The following PLCL1 variants were observed in gnomAD, a reference collection of about 807,000 sequenced individuals.
PLCL1 encodes inactive phospholipase C-like protein 1.
A neutral mutation model predicts 84.4 loss-of-function variants in PLCL1; 41 were observed. The observed-to-expected ratio is 0.49, with a 90% confidence interval of 0.38 to 0.63. PLCL1 has a LOEUF of 0.63. Among genes scored for constraint, PLCL1 ranks in the 30% least tolerant of loss-of-function variants. The probability of loss-of-function intolerance (pLI) is 0.00; values close to 1 mark genes in which losing one functional copy is unlikely to be tolerated. For missense variants in PLCL1, 1,206 were observed against 1,367.8 expected (o/e 0.88, Z 1.87); for synonymous variants, 490 against 488.3 (o/e 1.00, Z -0.05).
intron 1 of PLCL1, among the ~76,000 whole-genome samples, chr2:197,863,414 A>G (rs192790379): frequency 6.6e-6 from 1 of 152,258 alleles, no homozygotes; most frequent in Non-Finnish European, 1.5e-5. Flanking sequence ...CTGATAACAG[A>G]TAGATAAATG....
chr2:198,015,421 G>T (rs1398288125), intron 1 of PLCL1, among the ~76,000 whole-genome samples: 1 of 152,118 alleles, frequency 6.6e-6, no homozygotes, highest in African/African-American at 2.4e-5. Context: ...ATTTAAAGTA[G>T]TCACTTAAAA....
chr2:197,897,673 T>G (rs886618693), intron 1 of PLCL1, among the ~76,000 whole-genome samples: 2 of 152,166 alleles, frequency 1.3e-5, no homozygotes, highest in African/African-American at 4.8e-5. Flanking sequence ...ACCAAAAACA[T>G]AAAGATTGCT....
intron 1 of PLCL1, among the ~76,000 whole-genome samples, chr2:198,048,580 G>A (rs750155891): frequency 3.3e-5 from 5 of 152,176 alleles, no homozygotes; most frequent in South Asian, 2.1e-4. Context: ...GGTGCATCAC[G>A]TGGTGAGATA....
At chr2:198,067,127 C>CTT (rs536395932) in intron 1 of PLCL1, among the ~76,000 whole-genome samples, 67 of 136,496 alleles carry the variant, frequency 4.9e-4, no homozygotes, top group African/African-American at 1.2e-3. Context: ...TTGTGGCCCT[C>CTT]TTTTTTTTTT....
intron 5 of PLCL1, among the ~76,000 whole-genome samples, chr2:198,118,701 C>T (rs752433965): frequency 3.3e-5 from 5 of 151,980 alleles, no homozygotes; most frequent in Non-Finnish European, 7.4e-5. Flanking sequence ...GCCAGAGCTG[C>T]TGCATACTCC....
chr2:198,095,113 T>C (rs1693162579), intron 3 of PLCL1, among the ~76,000 whole-genome samples: 1 of 152,178 alleles, frequency 6.6e-6, no homozygotes, highest in Non-Finnish European at 1.5e-5. Flanking sequence ...CACAGTGCCA[T>C]TTCAGTGGCC....
intron 5 of PLCL1, among the ~76,000 whole-genome samples, chr2:198,106,547 C>A (rs1693479197): frequency 6.6e-6 from 1 of 151,670 alleles, no homozygotes; most frequent in South Asian, 2.1e-4. Context: ...CAGTGTGTAC[C>A]CTGATATAAA....
chr2:197,999,763 T>C (rs972587503), intron 1 of PLCL1, among the ~76,000 whole-genome samples: 2 of 152,194 alleles, frequency 1.3e-5, no homozygotes, highest in African/African-American at 4.8e-5. Flanking sequence ...TTAAATTGCA[T>C]ATATAGATGT....
At chr2:198,083,553 GA>G (rs960660913) in intron 1 of PLCL1, among the ~76,000 whole-genome samples, 1 of 152,084 alleles carries the variant, frequency 6.6e-6, no homozygotes, top group African/African-American at 2.4e-5. Context: ...ATAGGCATTT[GA>G]AAAATAAGTT....
At chr2:198,058,935 A>G (rs1692127041) in intron 1 of PLCL1, among the ~76,000 whole-genome samples, 1 of 152,210 alleles carries the variant, frequency 6.6e-6, no homozygotes, top group Non-Finnish European at 1.5e-5. Context: ...TCTTTTTCTT[A>G]AAGATTTCCA....
At chr2:197,881,521 C>CTATGTGTGTGTG (rs1553499117) in intron 1 of PLCL1, among the ~76,000 whole-genome samples, 1 of 150,906 alleles carries the variant, frequency 6.6e-6, no homozygotes, top group South Asian at 2.1e-4. Context: ...GAACAGTGCT[C>CTATGTGTGTGTG]TGTGTGTGTG....
At position 198,147,504 on chromosome 2, in the gene PLCL1, A is replaced by T. The variant is rs1248317379; in HGVS notation, c.*542A>T. The T allele has an allele frequency of 6.6e-6, 1 of 152,276 alleles. No homozygotes were observed. The highest frequency in any genetic ancestry group is 1.5e-5 in the Non-Finnish European group (1 of 68,020). The allele number at this position is 152,276 out of a possible 1,614,324, so 9.4% of individuals were successfully genotyped here. A position where few individuals can be genotyped will look rare whatever the true frequency, so the allele number is the denominator to read the frequency against. On this transcript the variant is annotated 3_prime_UTR_variant, in exon 6 of 6. Coordinates refer to ENST00000428675, the MANE Select transcript of PLCL1 (RefSeq NM_006226.4). ...TTGGTAGATTAAATATAGATTAGAA[A>T]AATTCCTAAGAATCAGAGTAGAAAT...
chr2:197,923,596 T>G lies in PLCL1; in HGVS notation c.240+118257T>G, dbSNP rs1393715631. ...AGAGACGCTCCTCACTTCCTAGATG[T>G]GATGGCGGCTGGGAAGAGGCGCTCC... On this transcript the variant is annotated intron_variant, in intron 1 of 5. Transcript: ENST00000428675. 4.9e-3 allele frequency among the ~76,000 whole-genome samples: 640 copies of G among 130,036 alleles called. 16 individuals are homozygous for G. Among genetic ancestry groups the G allele is most frequent in the Admixed American group, 0.04 (527 of 13,276 alleles). 85.3% of individuals were successfully genotyped at this position (130,036 alleles called of 152,430 possible). A position where few individuals can be genotyped will look rare whatever the true frequency, so the allele number is the denominator to read the frequency against.
intron 1 of PLCL1, among the ~76,000 whole-genome samples, chr2:197,934,799 T>C (rs1261010949): frequency 6.6e-6 from 1 of 152,118 alleles, no homozygotes; most frequent in Non-Finnish European, 1.5e-5. Flanking sequence ...ACATTTAATA[T>C]CACTTTTACT....
chr2:197,990,040 G>A (rs1460188285), intron 1 of PLCL1, among the ~76,000 whole-genome samples: 1 of 152,192 alleles, frequency 6.6e-6, no homozygotes, highest in Non-Finnish European at 1.5e-5. Flanking sequence ...TTCAGTTCCT[G>A]TATAGGCCTA....
At chr2:198,139,937 T>C (rs1694344492) in intron 5 of PLCL1, among the ~76,000 whole-genome samples, 1 of 148,406 alleles carries the variant, frequency 6.7e-6, no homozygotes, top group Non-Finnish European at 1.5e-5. Context: ...ATTTCATACT[T>C]TTTTTTTTTT....
intron 5 of PLCL1, among the ~76,000 whole-genome samples, chr2:198,141,030 T>C (rs1559118878): frequency 1.3e-5 from 2 of 152,160 alleles, no homozygotes; most frequent in Admixed American, 6.6e-5. Flanking sequence ...CATTATATAA[T>C]AAAGATTTGA....
At chr2:197,955,393 ATTT>A (rs1440760173) in intron 1 of PLCL1, among the ~76,000 whole-genome samples, 1 of 150,154 alleles carries the variant, frequency 6.7e-6, no homozygotes, top group Non-Finnish European at 1.5e-5. Context: ...CAACTACTTT[ATTT>A]TTATTTTTTA....
intron 1 of PLCL1, among the ~76,000 whole-genome samples, chr2:198,069,622 A>T (rs1692414689): frequency 6.6e-6 from 1 of 152,158 alleles, no homozygotes; most frequent in Admixed American, 6.5e-5. Flanking sequence ...CATTCTGCAG[A>T]TATTCTCAGG....
Sources: gnomAD v4.1 joint callset for allele counts (sites outside exome capture counted in the v4.1 genomes callset) on GRCh38, gnomAD v4.1.1 for gene constraint, MANE v1.5 for transcripts, NCBI Gene and HGNC (gene_info 2026-07-23, HGNC 2026-07-21) for gene names.